Variants in NDUFA7 observed in about 807,000 individuals in gnomAD.
NDUFA7 encodes the protein NADH dehydrogenase [ubiquinone] 1 alpha subcomplex subunit 7.
In NDUFA7, 18 loss-of-function variants were observed where a neutral mutation model predicts 14.2. The observed-to-expected ratio is 1.27, with a 90% confidence interval of 0.88 to 1.88. The LOEUF is 1.88. NDUFA7 is among the 40% of genes most tolerant of loss of function. The probability of loss-of-function intolerance (pLI) is 0.00; values close to 1 mark genes in which losing one functional copy is unlikely to be tolerated. For synonymous variants in NDUFA7, 75 were observed against 62.1 expected, an observed-to-expected ratio of 1.21 and a Z score of -0.98; for missense variants, 172 against 147.3, an observed-to-expected ratio of 1.17 and a Z score of -0.87.
intron 2 of NDUFA7, 98 bp from the exon 3 acceptor site, chr19:8,316,743 C>T (rs1970240471): frequency 3.5e-6 from 5 of 1,438,602 alleles, no homozygotes; most frequent in African/African-American, 2.8e-5. Context: ...GTGGGATCTA[C>T]AGCCAGCCAC....
At chr19:8,317,812 C>T (rs1349272082) in intron 2 of NDUFA7, among the ~76,000 whole-genome samples, 2 of 152,102 alleles carry the variant, frequency 1.3e-5, no homozygotes, top group Non-Finnish European at 2.9e-5. Flanking sequence ...TACAGGCGCA[C>T]ACTACCACAT....
downstream of NDUFA7, among the ~76,000 whole-genome samples, chr19:8,309,802 C>G (rs965397660): frequency 1.3e-5 from 2 of 152,140 alleles, no homozygotes; most frequent in African/African-American, 2.4e-5. Flanking sequence ...GGGGCTGTGC[C>G]CTGGGGAAGC....
intron 3 of NDUFA7, among the ~76,000 whole-genome samples, chr19:8,313,998 G>A (rs1043467964): frequency 1.3e-5 from 2 of 152,166 alleles, no homozygotes; most frequent in Admixed American, 6.6e-5. Flanking sequence ...TTTTTGAGAG[G>A]AGCCCAAGGT....
In NDUFA7 at chr19:8,311,547, G is replaced by T. The variant is rs561; in HGVS notation, c.300C>A (p.Pro100=). Residue 100 remains proline, a synonymous_variant, in exon 4 of 4, where the codon CCC becomes CCA. Coordinates refer to ENST00000301457, the MANE Select transcript of NDUFA7 (RefSeq NM_005001.5). ...CCGAGGACAGCTCCCACCTCTTTATGGGAGGAGCTGGAGTCACCGCCTTCT... is the reference window on the plus strand; with the variant it reads ...CCGAGGACAGCTCCCACCTCTTTATTGGAGGAGCTGGAGTCACCGCCTTCT... ...TEKKAVTPAP[P]IKRWELSSDQ... 75 of 1,612,460 alleles carry T rather than the reference G, an allele frequency of 4.7e-5. No homozygotes were observed. Among genetic ancestry groups the T allele is most frequent in the Non-Finnish European group, 5.6e-5 (66 of 1,179,302 alleles).
intron 1 of NDUFA7, 42 bp downstream of exon 1, chr19:8,321,266 G>A (rs577084786): frequency 1.3e-6 from 2 of 1,510,438 alleles, no homozygotes; most frequent in African/African-American, 2.8e-5. Flanking sequence ...GACACACGGA[G>A]CCCGAAGCCC....
chr19:8,316,575 C>T lies in NDUFA7; in HGVS notation c.172G>A (p.Asp58Asn), dbSNP rs1970236972. Residue 58 changes from aspartate to asparagine, a missense_variant, in exon 3 of 4, where the codon GAT becomes AAT. By Grantham distance (23) the Asp-to-Asn change is conservative. Coordinates refer to ENST00000301457, the MANE Select transcript of NDUFA7 (RefSeq NM_005001.5). ...GGGGGCACAGATTCCCGGCGGCCATCGCGAGTGCAATAGTAATTGTTGGAG... is the reference window on the plus strand; with the variant it reads ...GGGGGCACAGATTCCCGGCGGCCATTGCGAGTGCAATAGTAATTGTTGGAG... The part of the protein sequence containing the change: ...KLSNNYYCTR[D>N]GRRESVPPSI... The T allele has an allele frequency of 3.1e-6, 5 of 1,614,010 alleles. No homozygotes were observed. Among genetic ancestry groups the T allele is most frequent in the Admixed American group, 3.3e-5 (2 of 59,974 alleles).
chr19:8,311,728 C>T (rs1367305565), intron 3 of NDUFA7, 133 bp from the exon 4 acceptor site: 1 of 663,726 alleles, frequency 1.5e-6, no homozygotes, highest in African/African-American at 1.9e-5. Flanking sequence ...GCAGGGTGTT[C>T]CAGAATGCCA....
rs1391340137 is a variant in NDUFA7, at chr19:8,312,196, A to C, written c.252-601T>G. Among the ~76,000 whole-genome samples the C allele has an allele frequency of 3.9e-5, 6 of 152,336 alleles. No homozygotes were observed. The East Asian group carries it at 5.8e-4, about 15-fold the overall frequency. ...ACCCTGTGCCGGCAAGTCCAGGACG[A>C]GCACCCTCCCCTCTCACCCCACCCA... On this transcript the variant is annotated intron_variant, in intron 3 of 3. Coordinates refer to ENST00000301457, the MANE Select transcript of NDUFA7 (RefSeq NM_005001.5).
chr19:8,318,296 G>A (rs1403975036), intron 2 of NDUFA7, among the ~76,000 whole-genome samples: 3 of 152,018 alleles, frequency 2.0e-5, no homozygotes, highest in Non-Finnish European at 2.9e-5. Flanking sequence ...GAATACAGGC[G>A]TGTGCCACCA....
chr19:8,320,713 G>C, intron 2 of NDUFA7, 144 bp downstream of exon 2: 1 of 1,037,416 alleles, frequency 9.6e-7, no homozygotes, highest in East Asian at 2.4e-5. Flanking sequence ...CAAGGTTAAA[G>C]GCAAACCTCT....
At chr19:8,315,838 C>T (rs1970226304) in intron 3 of NDUFA7, among the ~76,000 whole-genome samples, 1 of 151,726 alleles carries the variant, frequency 6.6e-6, no homozygotes, top group Admixed American at 6.6e-5. Flanking sequence ...AGGGAGACTC[C>T]ATCTCAAAAC....
intron 2 of NDUFA7, chr19:8,319,691 C>G (rs1345029220): frequency 6.6e-6 from 1 of 152,096 alleles, no homozygotes; most frequent in African/African-American, 2.4e-5. Flanking sequence ...TTATAATCCT[C>G]AATGACTGCC....
intron 2 of NDUFA7, among the ~76,000 whole-genome samples, chr19:8,317,644 C>G (rs544590020): frequency 1.3e-5 from 2 of 152,052 alleles, no homozygotes; most frequent in African/African-American, 4.8e-5. Context: ...AACTGTTTCC[C>G]GGAATTTAAT....
downstream of NDUFA7, among the ~76,000 whole-genome samples, chr19:8,309,196 C>T (rs374574020): frequency 2.6e-5 from 4 of 151,182 alleles, no homozygotes; most frequent in Non-Finnish European, 4.4e-5. Flanking sequence ...AAAAGTTGGC[C>T]GGCGCGCTGG....
intron 3 of NDUFA7, 124 bp from the exon 4 acceptor site, chr19:8,311,719 C>G: frequency 1.4e-6 from 1 of 709,610 alleles, no homozygotes; most frequent in Non-Finnish European, 2.3e-6. Context: ...GGACAGACAG[C>G]AGGGTGTTCC....
At chr19:8,315,843 CAAAACA>C (rs539115494) in intron 3 of NDUFA7, among the ~76,000 whole-genome samples, 1,781 of 151,916 alleles carry the variant, frequency 0.012, 43 homozygotes, top group African/African-American at 0.041. Context: ...GACTCCATCT[CAAAACA>C]AAAACAAAAA....
chr19:8,311,694 CT>C, intron 3 of NDUFA7, 99 bp from the exon 4 acceptor site: 1 of 925,646 alleles, frequency 1.1e-6, no homozygotes. Flanking sequence ...CCCACAGGGA[CT>C]TTCTGGACCT....
chr19:8,313,081 G>A (rs1343591700), intron 3 of NDUFA7, among the ~76,000 whole-genome samples: 4 of 152,114 alleles, frequency 2.6e-5, no homozygotes, highest in Non-Finnish European at 1.5e-5. Flanking sequence ...ACAGGCGTGA[G>A]CTACCATGCC....
intron 3 of NDUFA7, among the ~76,000 whole-genome samples, chr19:8,313,292 G>T (rs979078247): frequency 6.6e-6 from 1 of 150,988 alleles, no homozygotes; most frequent in Non-Finnish European, 1.5e-5. Flanking sequence ...GTGCAGTGGC[G>T]CGATCTCAGT....
Sources: allele counts gnomAD v4.1 joint callset (sites outside exome capture counted in the v4.1 genomes callset), GRCh38; gene constraint gnomAD v4.1.1; transcripts MANE v1.5; gene names NCBI Gene and HGNC (gene_info 2026-07-23, HGNC 2026-07-21).